Variants in SLC11A2 observed in about 807,000 individuals in gnomAD.
SLC11A2 encodes the protein solute carrier family 11 member 2, also known as natural resistance-associated macrophage protein 2.
SLC11A2 carries 38 observed loss-of-function variants against 68.0 expected under a neutral mutation model. That is an observed-to-expected ratio of 0.56 (90% CI 0.43 to 0.73). The LOEUF is 0.73. Among genes scored for constraint, SLC11A2 ranks in the 30% least tolerant of loss-of-function variants. The pLI is 0.00. For missense variants in SLC11A2, 517 were observed against 690.5 expected, an observed-to-expected ratio of 0.75 and a Z score of 2.82; for synonymous variants, 242 against 250.6, an observed-to-expected ratio of 0.97 and a Z score of 0.32.
At chr12:50,996,089 A>T (rs1441245179) in intron 9 of SLC11A2, among the ~76,000 whole-genome samples, 1 of 152,048 alleles carries the variant, frequency 6.6e-6, no homozygotes, top group African/African-American at 2.4e-5. Flanking sequence ...GACCTATAAA[A>T]ACGACCTGAT....
intron 8 of SLC11A2, among the ~76,000 whole-genome samples, 169 bp from the exon 9 acceptor site, chr12:50,997,141 G>C (rs570624318): frequency 6.6e-6 from 1 of 152,106 alleles, no homozygotes; most frequent in African/African-American, 2.4e-5. Context: ...GCAGTGGCAT[G>C]ATCACAGCTC....
At chr12:50,965,611 C>T in the SLC11A2 span, among the ~76,000 whole-genome samples, 2 of 152,272 alleles carry the variant, frequency 1.3e-5, no homozygotes, top group South Asian at 4.1e-4. Context: ...AACAGACCCA[C>T]AGCAAAACTC....
chr12:50,995,482 G>T, intron 10 of SLC11A2, 147 bp downstream of exon 10: 1 of 835,524 alleles, frequency 1.2e-6, no homozygotes, highest in Non-Finnish European at 2.0e-6. Flanking sequence ...TCTGACTGGT[G>T]CACAGTGATT....
the SLC11A2 span, among the ~76,000 whole-genome samples, chr12:50,960,104 T>C: frequency 2.0e-5 from 3 of 152,222 alleles, no homozygotes; most frequent in African/African-American, 7.2e-5. Flanking sequence ...ATTCACCCCT[T>C]GACATTTGTA....
chr12:50,999,005 A>G (rs892343040), intron 8 of SLC11A2, among the ~76,000 whole-genome samples, 169 bp downstream of exon 8: 3 of 152,140 alleles, frequency 2.0e-5, no homozygotes, highest in Non-Finnish European at 4.4e-5. Flanking sequence ...AATCTTTGCT[A>G]TAGATCATAT....
the SLC11A2 span, among the ~76,000 whole-genome samples, chr12:50,955,803 A>G: frequency 6.6e-6 from 1 of 152,224 alleles, no homozygotes; most frequent in Non-Finnish European, 1.5e-5. Flanking sequence ...ATGCTACTTG[A>G]ACAGATCACT....
At chr12:51,015,720 T>C (rs1198485119) in intron 1 of SLC11A2, among the ~76,000 whole-genome samples, 4 of 152,174 alleles carry the variant, frequency 2.6e-5, no homozygotes. Context: ...CAGCAATACT[T>C]TGATAAGTAA....
At position 50,987,876 on chromosome 12, in the gene SLC11A2, T is replaced by A. The variant is rs1262950331; in HGVS notation, c.*449A>T. On this transcript the variant is annotated 3_prime_UTR_variant, in exon 16 of 16. Coordinates refer to ENST00000262052, the MANE Select transcript of SLC11A2 (RefSeq NM_000617.3). Reference sequence around the variant, plus strand: ...ATTAAAATAACTGAAAAGGTAGGTATAAGGAAAATTTCTCAGCCTTTAAAA... The same window carrying A: ...ATTAAAATAACTGAAAAGGTAGGTAAAAGGAAAATTTCTCAGCCTTTAAAA... 1 of 1,269,266 alleles carries A rather than the reference T, an allele frequency of 7.9e-7. No individual in the cohort carries two copies. The highest frequency in any genetic ancestry group is 5.6e-5 in the East Asian group (1 of 17,934). 78.6% of individuals were successfully genotyped at this position (1,269,266 alleles called of 1,614,324 possible).
chr12:50,956,834 TG>T, the SLC11A2 span, among the ~76,000 whole-genome samples: 1 of 152,206 alleles, frequency 6.6e-6, no homozygotes, highest in South Asian at 2.1e-4. Flanking sequence ...CCTTGGAGTA[TG>T]TTCCCAGAAG....
At chr12:50,956,028 TTAAG>T in the SLC11A2 span, among the ~76,000 whole-genome samples, 3 of 152,300 alleles carry the variant, frequency 2.0e-5, no homozygotes, top group Non-Finnish European at 4.4e-5. Context: ...CAAAACCAAT[TTAAG>T]TAAGAACAGA....
At chr12:50,991,011 A>C (rs1348914813) in intron 14 of SLC11A2, 63 bp from the exon 15 acceptor site, 1 of 1,453,864 alleles carries the variant, frequency 6.9e-7, no homozygotes, top group Admixed American at 1.7e-5. Flanking sequence ...ACAGAAAAGG[A>C]AACAGGATGG....
intron 1 of SLC11A2, among the ~76,000 whole-genome samples, chr12:51,013,286 T>C (rs1943375221): frequency 7.7e-6 from 1 of 130,232 alleles, no homozygotes; most frequent in Admixed American, 9.3e-5. Flanking sequence ...ATGAATTAAA[T>C]TGCTTTTTTT....
chr12:51,011,252 C>T (rs906530592), intron 1 of SLC11A2, among the ~76,000 whole-genome samples: 3 of 151,804 alleles, frequency 2.0e-5, no homozygotes, highest in Non-Finnish European at 2.9e-5. Flanking sequence ...CCTCAGCCTC[C>T]CGAGTAGCTG....
intron 1 of SLC11A2, among the ~76,000 whole-genome samples, chr12:51,025,271 C>CA (rs1944306118): frequency 6.6e-6 from 1 of 152,088 alleles, no homozygotes; most frequent in Non-Finnish European, 1.5e-5. Flanking sequence ...AAGAAGGTAA[C>CA]AACAACAAAA....
Position 50,995,781 on chromosome 12 carries a change from G to C in SLC11A2, c.838C>G (p.Gln280Glu), listed in dbSNP as rs769900352. 1 of 1,613,892 alleles carries C rather than the reference G, an allele frequency of 6.2e-7. No homozygotes were observed. The highest frequency in any genetic ancestry group is 1.1e-5 in the South Asian group (1 of 91,078). The part of the protein sequence containing the change: ...YLHSALVKSR[Q>E]VNRNNKQEVR... ...TCCTGCTTATTGTTCCGGTTTACCTGTCTAGACTAGAAAGATAACAACAGC... is the reference window on the plus strand; with the variant it reads ...TCCTGCTTATTGTTCCGGTTTACCTCTCTAGACTAGAAAGATAACAACAGC... Residue 280 changes from glutamine (Q) to glutamate (E), a missense_variant, in exon 10 of 16, where the codon CAG becomes GAG. Coordinates refer to ENST00000262052, the MANE Select transcript of SLC11A2 (RefSeq NM_000617.3).
chr12:50,981,657 G>A (rs914869902), downstream of SLC11A2: 196 of 1,018,952 alleles, frequency 1.9e-4, 1 homozygote, highest in Non-Finnish European at 2.6e-4. Context: ...TAACAGAGAC[G>A]TTAACGGGAC....
chr12:50,994,462 G>T, intron 11 of SLC11A2, 82 bp downstream of exon 11: 2 of 863,334 alleles, frequency 2.3e-6, no homozygotes, highest in South Asian at 1.3e-5. Flanking sequence ...GCTCATATCT[G>T]AAGTGAAGTC....
chr12:50,958,571 G>A, the SLC11A2 span, among the ~76,000 whole-genome samples: 6 of 151,702 alleles, frequency 4.0e-5, no homozygotes, highest in Middle Eastern at 3.4e-3. Flanking sequence ...GTGAGCCACC[G>A]CGCCCGGCCT....
In SLC11A2 at chr12:51,000,375, G is replaced by C; in HGVS notation, c.474C>G (p.Ile158Met). The change falls in exon 6 of 16, where the codon ATC (isoleucine) becomes ATG (methionine). Residue 158 changes from isoleucine to methionine, a missense_variant. Coordinates refer to ENST00000262052, the MANE Select transcript of SLC11A2 (RefSeq NM_000617.3). ...CAATGACTTCTTGCATGTCTGAGCC[G>C]ATGATAGCCAACTCCACCATCAGCC... The part of the protein sequence containing the change: ...ILWLMVELAI[I>M]GSDMQEVIGS... The C allele has an allele frequency of 2.5e-6, 4 of 1,614,114 alleles. No homozygotes were observed. Among genetic ancestry groups the C allele is most frequent in the Non-Finnish European group, 3.4e-6 (4 of 1,179,960 alleles).
Sources: allele counts gnomAD v4.1 joint callset (sites outside exome capture counted in the v4.1 genomes callset), GRCh38; gene constraint gnomAD v4.1.1; transcripts MANE v1.5; gene names NCBI Gene and HGNC (gene_info 2026-07-23, HGNC 2026-07-21).